The following ABLIM2 variants were observed in gnomAD, a reference collection of about 807,000 sequenced individuals.
The protein encoded by ABLIM2 is actin binding LIM protein family member 2.
Under a neutral mutation model 97.7 loss-of-function variants are expected in ABLIM2, and 53 were observed. The ratio of observed to expected loss-of-function variants is 0.54; its 90% confidence interval spans 0.44 to 0.68. The LOEUF is 0.68. ABLIM2 is among the 30% of genes least tolerant of loss of function. ABLIM2 has a pLI of 0.00. For missense variants in ABLIM2, 835 were observed against 867.2 expected, an observed-to-expected ratio of 0.96 and a Z score of 0.47; for synonymous variants, 361 against 345.8, an observed-to-expected ratio of 1.04 and a Z score of -0.49.
In ABLIM2 at chr4:8,043,524, A is replaced by C. The variant is rs1449529793; in HGVS notation, c.900+1640T>G. On this transcript the variant is annotated intron_variant, in intron 9 of 20. Transcript: ENST00000447017. This position sits in a 1 kb window ranked among gnomAD's most constrained non-coding sequence, Gnocchi z 4.8. ...TTAAGAGAGGTCATCAAGTTAAAAC[A>C]AGACCGTTAGGGTGGATCCAATCCA... Among the ~76,000 whole-genome samples, 1 of 152,112 alleles carries C rather than the reference A, an allele frequency of 6.6e-6. No homozygotes were observed. The highest frequency in any genetic ancestry group is 1.5e-5 in the Non-Finnish European group (1 of 68,014).
intron 6 of ABLIM2, among the ~76,000 whole-genome samples, chr4:8,062,325 C>T (rs374015225): frequency 1.2e-3 from 177 of 152,334 alleles, no homozygotes; most frequent in South Asian, 9.3e-3. Context: ...GTACCAGGTG[C>T]AGGGATCTCT....
At chr4:8,008,910 C>A in intron 15 of ABLIM2, 140 bp downstream of exon 15, 1 of 894,642 alleles carries the variant, frequency 1.1e-6, no homozygotes, top group South Asian at 1.6e-5. Context: ...GATGGAAGGG[C>A]CTCCTACCTT....
intron 6 of ABLIM2, among the ~76,000 whole-genome samples, chr4:8,076,714 A>C (rs1429809061): frequency 3.9e-5 from 5 of 128,420 alleles, no homozygotes; most frequent in Non-Finnish European, 8.1e-5. Context: ...CACAGCACTG[A>C]GGCAAGGAGG....
chr4:8,153,937 G>T (rs1216731911), intron 1 of ABLIM2, among the ~76,000 whole-genome samples: 2 of 150,750 alleles, frequency 1.3e-5, no homozygotes, highest in South Asian at 4.2e-4. Flanking sequence ...TTTGTCCTGA[G>T]CTGTTTTCTA....
chr4:8,008,942 G>C (rs547919240), intron 15 of ABLIM2, 108 bp downstream of exon 15: 1 of 1,370,702 alleles, frequency 7.3e-7, no homozygotes, highest in African/African-American at 1.4e-5. Flanking sequence ...GGCCCCTAAG[G>C]AACAGAATGT....
rs758934036 is a variant in ABLIM2 at position 8,008,108 on chromosome 4, C to A, written c.1569G>T (p.Gly523=). The A allele has an allele frequency of 6.2e-7, 1 of 1,614,046 alleles. No individual in the cohort carries two copies. Among genetic ancestry groups the A allele is most frequent in the Non-Finnish European group, 8.5e-7 (1 of 1,179,908 alleles). Residue 523 remains glycine, a synonymous_variant, in exon 16 of 21, where the codon GGG becomes GGT. Transcript: ENST00000447017. ...TCCTTTGGAGAGGGTCTCTGTCGGT[C>A]CCGCTGCTGTGGGACAAGGACTGGG... ...LDTQSLSHSS[G]TDRDPLQRMA... is the part of the protein sequence containing the mutation.
At chr4:8,081,211 C>G (rs1365632689) in intron 4 of ABLIM2, among the ~76,000 whole-genome samples, 1 of 152,170 alleles carries the variant, frequency 6.6e-6, no homozygotes, top group African/African-American at 2.4e-5. Flanking sequence ...GCCCCCAACC[C>G]CGTCAGCCCT....
rs924629377 is a variant in ABLIM2, at chr4:8,147,469, C to T, written c.10+11211G>A. Among the ~76,000 whole-genome samples, 3 of 152,172 alleles carry T rather than the reference C, an allele frequency of 2.0e-5. 1 individual carries two copies. In the East Asian group the frequency reaches 5.8e-4, roughly 29 times the overall value. On this transcript the variant is annotated intron_variant, in intron 1 of 20. Transcript: ENST00000447017. The surrounding 1 kb of genome is among the most constrained non-coding windows in gnomAD (Gnocchi z 5.3). ...GAGGGGTCTTTGCAGATGTGATTTA[C>T]ATAAAGCGTCTAGAGACTGGGAGAT...
At position 8,046,085 on chromosome 4, in the gene ABLIM2, G is replaced by A. The variant is rs990120567; in HGVS notation, c.823-844C>T. ...AGCCACTCTCCCAACTGCACCTGTG[G>A]GCTTGTCCTGGCCTTTTTGCTGCTG... On this transcript the variant is annotated intron_variant, in intron 8 of 20. Transcript: ENST00000447017. The surrounding 1 kb of genome is among the most constrained non-coding windows in gnomAD (Gnocchi z 4.4). 2.0e-5 allele frequency among the ~76,000 whole-genome samples: 3 copies of A among 152,094 alleles called. No homozygotes were observed. Among genetic ancestry groups the A allele is most frequent in the African/African-American group, 7.2e-5 (3 of 41,400 alleles).
rs548860627 is a variant in ABLIM2, at chr4:8,046,415, C to G, written c.823-1174G>C. 6.6e-6 allele frequency among the ~76,000 whole-genome samples: 1 copy of G among 152,114 alleles called. No individual in the cohort carries two copies. Among genetic ancestry groups the G allele is most frequent in the African/African-American group, 2.4e-5 (1 of 41,408 alleles). ...TGGGCCACCTGCCTGGCCTTCCCCA[C>G]GCCTCCTATTCACCCTGTCCAAAAG... On this transcript the variant is annotated intron_variant, in intron 8 of 20. Transcript: ENST00000447017. The surrounding 1 kb of genome is among the most constrained non-coding windows in gnomAD (Gnocchi z 4.4).
At chr4:7,977,123 G>A (rs1318331155) in intron 20 of ABLIM2, among the ~76,000 whole-genome samples, 1 of 152,180 alleles carries the variant, frequency 6.6e-6, no homozygotes, top group Admixed American at 6.5e-5. Context: ...GTGATAGAGA[G>A]TGAGTTCTCA....
Position 7,998,623 on chromosome 4 carries a change from T to TA in ABLIM2, c.1619-5697dup, listed in dbSNP as rs1560505116. 1 of 504,498 alleles carries TA rather than the reference T, an allele frequency of 2.0e-6. No individual in the cohort carries two copies. Among genetic ancestry groups the TA allele is most frequent in the Admixed American group, 2.0e-5 (1 of 49,842 alleles). The allele number at this position is 504,498 out of a possible 1,614,324, so 31.3% of individuals were successfully genotyped here. On this transcript the variant is annotated intron_variant, in intron 16 of 20. Transcript: ENST00000447017. This position sits in a 1 kb window ranked among gnomAD's most constrained non-coding sequence, Gnocchi z 6.4. ...GCCTGCTGGCCACCTGCCCATCTGC[T>TA]AGTGTGGCTGCAGGAGGAAAACACC...
intron 14 of ABLIM2, among the ~76,000 whole-genome samples, chr4:8,013,521 G>T (rs1391265359): frequency 6.6e-6 from 1 of 152,174 alleles, no homozygotes; most frequent in Non-Finnish European, 1.5e-5. Context: ...ACTGCGCCCA[G>T]CCCTTGGGTA....
chr4:8,100,846 T>C (rs568485240), intron 2 of ABLIM2, among the ~76,000 whole-genome samples: 6 of 151,456 alleles, frequency 4.0e-5, no homozygotes, highest in Non-Finnish European at 8.8e-5. Context: ...CATCCAACAG[T>C]GCAAGAGTGA....
At position 8,029,751 on chromosome 4, in the gene ABLIM2, T is replaced by TTGTAGGACC; in HGVS notation, c.1064_1072dup (p.Arg355_Tyr357dup). 1 of 1,566,608 alleles carries TTGTAGGACC rather than the reference T, an allele frequency of 6.4e-7. No homozygotes were observed. The highest frequency in any genetic ancestry group is 1.4e-5 in the African/African-American group (1 of 73,860). ...GCTTGGGCTGGAGGTCCGACACTGC[T>TTGTAGGACC]TGTAGGACCGGTCATCCTGATCCCC... On this transcript the variant is annotated inframe_insertion, in exon 11 of 21. Transcript: ENST00000447017.
Position 8,019,807 on chromosome 4 carries a change from G to T in ABLIM2, c.1370-136C>A. 2.4e-6 allele frequency: 2 copies of T among 842,176 alleles called. No individual in the cohort carries two copies. Among genetic ancestry groups the T allele is most frequent in the Non-Finnish European group, 3.8e-6 (2 of 533,312 alleles). 52.2% of individuals were successfully genotyped at this position (842,176 alleles called of 1,614,324 possible). On this transcript the variant is annotated intron_variant, in intron 13 of 20. Coordinates refer to ENST00000447017, the MANE Select transcript of ABLIM2 (RefSeq NM_001130083.2). This position sits in a 1 kb window ranked among gnomAD's most constrained non-coding sequence, Gnocchi z 4.3. ...ATCATCAGGCAGGAACTGGCACCCA[G>T]CGAGCGACAGACACCCAGGCCCCAG...
In ABLIM2 at chr4:7,970,239, G is replaced by C. The variant is rs557312422; in HGVS notation, c.1825-3136C>G. ...AAAGGAGGGGAGGCTGACACCGGAAGGGCGAGGAGAGTTCAGTGCTGGTGC... is the reference window on the plus strand; with the variant it reads ...AAAGGAGGGGAGGCTGACACCGGAACGGCGAGGAGAGTTCAGTGCTGGTGC... On this transcript the variant is annotated intron_variant, in intron 20 of 20. Coordinates refer to ENST00000447017, the MANE Select transcript of ABLIM2 (RefSeq NM_001130083.2). This position sits in a 1 kb window ranked among gnomAD's most constrained non-coding sequence, Gnocchi z 5.3. 6.6e-5 allele frequency among the ~76,000 whole-genome samples: 10 copies of C among 152,262 alleles called. No individual in the cohort carries two copies. The highest frequency in any genetic ancestry group is 2.6e-4 in the Admixed American group (4 of 15,286).
Position 7,999,901 on chromosome 4 carries a change from G to A in ABLIM2, c.1619-6974C>T, listed in dbSNP as rs139286140. Reference sequence around the variant, plus strand: ...TGGGGCCCTGAGCCTCTTCTCCACAGGTCTGTCCTCTTCCAGGCTGGCTCA... The same window carrying A: ...TGGGGCCCTGAGCCTCTTCTCCACAAGTCTGTCCTCTTCCAGGCTGGCTCA... On this transcript the variant is annotated intron_variant, in intron 16 of 20. Transcript: ENST00000447017. The surrounding 1 kb of genome is among the most constrained non-coding windows in gnomAD (Gnocchi z 4.4). Among the ~76,000 whole-genome samples the A allele has an allele frequency of 6.6e-6, 1 of 152,194 alleles. No homozygotes were observed. Among genetic ancestry groups the A allele is most frequent in the East Asian group, 1.9e-4 (1 of 5,198 alleles).
In ABLIM2 at chr4:8,150,329, G is replaced by A. The variant is rs998268095; in HGVS notation, c.10+8351C>T. On this transcript the variant is annotated intron_variant, in intron 1 of 20. Transcript: ENST00000447017. This position sits in a 1 kb window ranked among gnomAD's most constrained non-coding sequence, Gnocchi z 6.3. ...GAGGAGGCCATGCTGAACTGGGGAC[G>A]GAGTTCCACCCATCACACATCCTCC... Among the ~76,000 whole-genome samples, 3 of 152,156 alleles carry A rather than the reference G, an allele frequency of 2.0e-5. No individual in the cohort carries two copies. Among genetic ancestry groups the A allele is most frequent in the Non-Finnish European group, 2.9e-5 (2 of 68,024 alleles).
Sources: allele counts gnomAD v4.1 joint callset (sites outside exome capture counted in the v4.1 genomes callset), GRCh38; gene constraint gnomAD v4.1.1; non-coding constraint Gnocchi (gnomAD v3.1); transcripts MANE v1.5; gene names NCBI Gene and HGNC (gene_info 2026-07-23, HGNC 2026-07-21).